Variants in GLI3 observed in about 807,000 individuals in gnomAD.
GLI3 encodes GLI family zinc finger 3, also known as transcription activator GLI3.
GLI3 carries 20 observed loss-of-function variants against 100.8 expected under a neutral mutation model. The ratio of observed to expected loss-of-function variants is 0.20; its 90% CI spans 0.14 to 0.29. The LOEUF is 0.29. GLI3 is among the 10% of genes least tolerant of loss of function. The pLI is 1.00. For missense variants in GLI3, 2,040 were observed against 2,128.5 expected (o/e 0.96, Z 0.82); for synonymous variants, 938 against 860.5 (o/e 1.09, Z -1.58).
Position 42,026,260 on chromosome 7 carries a change from G to C in GLI3, c.1181C>G (p.Pro394Arg). The C allele has an allele frequency of 6.2e-7, 1 of 1,614,038 alleles. No homozygotes were observed. The highest frequency in any genetic ancestry group is 2.2e-5 in the East Asian group (1 of 44,880). Residue 394 changes from proline (P) to arginine (R), a missense_variant, in exon 8 of 15, where the codon CCA (proline) becomes CGA (arginine). Pro to Arg is a moderately radical substitution (Grantham distance 103). Transcript: ENST00000395925. ...GGGGTTCAGAACCGTAGGGATCCCT[G>C]GAATAGGCCTCTGTGTTGGAAAAGT... ...APTFPTQRPI[P>R]GIPTVLNPVQ...
chr7:42,173,222 CA>C (rs1583620753), intron 2 of GLI3, among the ~76,000 whole-genome samples: 1 of 152,162 alleles, frequency 6.6e-6, no homozygotes, highest in Non-Finnish European at 1.5e-5. Context: ...CGTTGACAGA[CA>C]CGGCGGGCAA....
In GLI3 at chr7:41,987,101, G is replaced by GACACACACAC. The variant is rs34005460; in HGVS notation, c.1498-8363_1498-8354dup. Among the ~76,000 whole-genome samples, 1,055 of 140,696 alleles carry GACACACACAC rather than the reference G, an allele frequency of 7.5e-3. 6 individuals are homozygous for GACACACACAC. The highest frequency in any genetic ancestry group is 0.013 in the African/African-American group (483 of 38,122). The allele number at this position is 140,696 out of a possible 152,430, so 92.3% of individuals were successfully genotyped here. A position where few individuals can be genotyped will look rare whatever the true frequency, so the allele number is the denominator to read the frequency against. On this transcript the variant is annotated intron_variant, in intron 10 of 14. Coordinates refer to ENST00000395925, the MANE Select transcript of GLI3 (RefSeq NM_000168.6). The stretch of plus-strand genomic sequence containing the variant: ...TACAACATACACAGACACAGACACA[G>GACACACACAC]ACACACACACACACACACACACACA...
chr7:42,021,651 C>T (rs1041963172), intron 10 of GLI3, among the ~76,000 whole-genome samples: 9 of 152,208 alleles, frequency 5.9e-5, no homozygotes, highest in African/African-American at 2.2e-4. Context: ...TTAGAATAAG[C>T]TCTTATTTCA....
At chr7:42,133,941 C>T (rs1352093142) in intron 3 of GLI3, among the ~76,000 whole-genome samples, 2 of 151,832 alleles carry the variant, frequency 1.3e-5, no homozygotes, top group Non-Finnish European at 2.9e-5. Context: ...AATTAGCCGG[C>T]GTGGTGTCGC....
intron 3 of GLI3, among the ~76,000 whole-genome samples, chr7:42,090,244 C>T (rs993597522): frequency 2.0e-5 from 3 of 152,084 alleles, no homozygotes; most frequent in Admixed American, 6.5e-5. Context: ...ATGTGAAGAC[C>T]TAGGACATCC....
At chr7:42,062,093 G>A (rs1419715705) in intron 4 of GLI3, among the ~76,000 whole-genome samples, 2 of 152,138 alleles carry the variant, frequency 1.3e-5, no homozygotes, top group African/African-American at 4.8e-5. Context: ...CTGTGCACAG[G>A]ACCATGGTCT....
At chr7:42,192,063 G>C (rs1484061528) in intron 2 of GLI3, among the ~76,000 whole-genome samples, 1 of 151,818 alleles carries the variant, frequency 6.6e-6, no homozygotes, top group Non-Finnish European at 1.5e-5. Flanking sequence ...TATTTGAACA[G>C]AGACATGTCA....
At chr7:42,174,683 T>C (rs1787443555) in intron 2 of GLI3, among the ~76,000 whole-genome samples, 1 of 152,222 alleles carries the variant, frequency 6.6e-6, no homozygotes, top group Non-Finnish European at 1.5e-5. Flanking sequence ...ACCTCGGCTT[T>C]CATCTGTCGG....
intron 2 of GLI3, among the ~76,000 whole-genome samples, chr7:42,206,674 A>G (rs1178899662): frequency 6.6e-6 from 1 of 152,230 alleles, no homozygotes; most frequent in Non-Finnish European, 1.5e-5. Flanking sequence ...ATAAGAGATA[A>G]TGTGCATTAT....
intron 4 of GLI3, among the ~76,000 whole-genome samples, chr7:42,067,798 T>C (rs1452103162): frequency 6.6e-6 from 1 of 152,190 alleles, no homozygotes; most frequent in Non-Finnish European, 1.5e-5. Context: ...GAGAATGTCT[T>C]CAAGGGCAAC....
chr7:42,179,824 T>C (rs1787555399), intron 2 of GLI3, among the ~76,000 whole-genome samples: 1 of 152,120 alleles, frequency 6.6e-6, no homozygotes, highest in Admixed American at 6.5e-5. Flanking sequence ...TGCCATCACC[T>C]GGGCTAGAAA....
intron 7 of GLI3, among the ~76,000 whole-genome samples, chr7:42,035,810 C>T (rs1192510847): frequency 2.6e-5 from 4 of 152,102 alleles, no homozygotes; most frequent in Non-Finnish European, 5.9e-5. Flanking sequence ...ACAACGTTAG[C>T]CTTAACTATG....
intron 3 of GLI3, among the ~76,000 whole-genome samples, chr7:42,146,141 C>T (rs886485298): frequency 2.6e-5 from 4 of 152,160 alleles, no homozygotes; most frequent in East Asian, 1.9e-4. Flanking sequence ...TTACAGAGAA[C>T]TTATACAGTT....
intron 2 of GLI3, among the ~76,000 whole-genome samples, chr7:42,215,030 TTTTG>T (rs535315546): frequency 2.6e-3 from 398 of 152,174 alleles, no homozygotes; most frequent in African/African-American, 4.6e-3. Flanking sequence ...GAAACAGGTT[TTTTG>T]TTTGTTTGTT....
At chr7:42,259,346 G>A (rs1026536584) in intron 1 of GLI3, among the ~76,000 whole-genome samples, 4 of 152,134 alleles carry the variant, frequency 2.6e-5, no homozygotes, top group East Asian at 1.9e-4. Context: ...GTAAATGGTA[G>A]CATTATCTTT....
At chr7:42,182,168 T>C (rs1172636127) in intron 2 of GLI3, among the ~76,000 whole-genome samples, 1 of 152,150 alleles carries the variant, frequency 6.6e-6, no homozygotes, top group Non-Finnish European at 1.5e-5. Context: ...GGTGCTCCGT[T>C]TGGCAAGGCA....
chr7:41,964,122 C>T lies in GLI3; in HGVS notation c.*208G>A. The T allele has an allele frequency of 2.5e-6, 1 of 403,736 alleles. No homozygotes were observed. Among genetic ancestry groups the T allele is most frequent in the East Asian group, 5.4e-5 (1 of 18,662 alleles). 25.0% of individuals were successfully genotyped at this position (403,736 alleles called of 1,614,324 possible). Reference sequence around the variant, plus strand: ...TGAGTGTAACAATACTGATTCAAAACTGAAATGGAAGACAGTTTCTCCCTA... The same window carrying T: ...TGAGTGTAACAATACTGATTCAAAATTGAAATGGAAGACAGTTTCTCCCTA... On this transcript the variant is annotated 3_prime_UTR_variant, in exon 15 of 15. Coordinates refer to ENST00000395925, the MANE Select transcript of GLI3 (RefSeq NM_000168.6).
chr7:42,263,533 T>C (rs1789166985), intron 1 of GLI3, among the ~76,000 whole-genome samples: 1 of 151,930 alleles, frequency 6.6e-6, no homozygotes, highest in Non-Finnish European at 1.5e-5. Flanking sequence ...TGCAACCTCC[T>C]CCTCACATGT....
At chr7:42,136,019 G>A (rs757049964) in intron 3 of GLI3, among the ~76,000 whole-genome samples, 1 of 152,184 alleles carries the variant, frequency 6.6e-6, no homozygotes, top group African/African-American at 2.4e-5. Flanking sequence ...CACATATAGA[G>A]ACAGTTAAGG....
Sources: gnomAD v4.1 joint callset for allele counts (sites outside exome capture counted in the v4.1 genomes callset) on GRCh38, gnomAD v4.1.1 for gene constraint, MANE v1.5 for transcripts, NCBI Gene and HGNC (gene_info 2026-07-23, HGNC 2026-07-21) for gene names.